FHIT: variants seen among roughly 807,000 people sequenced by gnomAD.
FHIT encodes bis(5'-adenosyl)-triphosphatase.
Under a neutral mutation model 17.9 loss-of-function variants are expected in FHIT, and 19 were observed. The observed-to-expected ratio is 1.06, with a 90% CI of 0.74 to 1.56. FHIT has a LOEUF of 1.56. Among genes scored for constraint, FHIT ranks in the 40% most tolerant of loss-of-function variants. The pLI is 0.00. For synonymous variants in FHIT, 81 were observed against 69.7 expected (o/e 1.16, Z -0.81); for missense variants, 248 against 189.2 (o/e 1.31, Z -1.82).
chr3:61,143,818 A>G (rs1240887397), intron 2 of FHIT, among the ~76,000 whole-genome samples: 1 of 152,156 alleles, frequency 6.6e-6, no homozygotes, highest in Non-Finnish European at 1.5e-5. Flanking sequence ...GTGTGCTGAG[A>G]TTGTGCCACT....
intron 4 of FHIT, among the ~76,000 whole-genome samples, chr3:60,703,504 G>A (rs1181553767): frequency 1.3e-5 from 2 of 152,138 alleles, no homozygotes; most frequent in East Asian, 1.9e-4. Context: ...TTTTTGAAAT[G>A]AAGCCTATTT....
At chr3:60,496,790 A>C (rs140356755) in intron 5 of FHIT, among the ~76,000 whole-genome samples, 212 of 152,314 alleles carry the variant, frequency 1.4e-3, no homozygotes, top group Non-Finnish European at 2.4e-3. Flanking sequence ...ACAATACAGG[A>C]GGTAAAAATG....
At chr3:61,228,712 T>C (rs533045718) in intron 1 of FHIT, among the ~76,000 whole-genome samples, 2 of 152,294 alleles carry the variant, frequency 1.3e-5, no homozygotes, top group East Asian at 1.9e-4. Flanking sequence ...AGGAGGAATA[T>C]TGGCCAAACT....
chr3:59,900,680 C>T (rs1704286178), intron 8 of FHIT, among the ~76,000 whole-genome samples: 1 of 152,158 alleles, frequency 6.6e-6, no homozygotes, highest in Non-Finnish European at 1.5e-5. Context: ...GTGGTGCGAT[C>T]TCAGCTCACT....
chr3:60,975,055 C>T (rs144411777), intron 3 of FHIT, among the ~76,000 whole-genome samples: 321 of 152,224 alleles, frequency 2.1e-3, no homozygotes, highest in African/African-American at 7.1e-3. Context: ...GTAATATTCC[C>T]AGGAGAAAGG....
chr3:60,865,598 C>G (rs1486194563), intron 3 of FHIT, among the ~76,000 whole-genome samples: 1 of 152,082 alleles, frequency 6.6e-6, no homozygotes, highest in Non-Finnish European at 1.5e-5. Flanking sequence ...GAGTCTATAT[C>G]AAGAGACTCT....
At chr3:59,810,130 A>T (rs1440634933) in intron 8 of FHIT, among the ~76,000 whole-genome samples, 1 of 151,930 alleles carries the variant, frequency 6.6e-6, no homozygotes, top group African/African-American at 2.4e-5. Flanking sequence ...GGGCCTGAGG[A>T]GGGTCTTCTG....
At chr3:60,551,143 G>A (rs2036532559) in intron 4 of FHIT, among the ~76,000 whole-genome samples, 1 of 151,932 alleles carries the variant, frequency 6.6e-6, no homozygotes, top group South Asian at 2.1e-4. Context: ...AAGAGTGTGG[G>A]GTGGAGCCTA....
At position 60,197,022 on chromosome 3, in the gene FHIT, C is replaced by T. The variant is rs149516371; in HGVS notation, c.104-182870G>A. Among the ~76,000 whole-genome samples, 287 of 152,234 alleles carry T rather than the reference C, an allele frequency of 1.9e-3. 1 individual carries two copies. Among genetic ancestry groups the T allele is most frequent in the Middle Eastern group, 6.8e-3 (2 of 294 alleles). ...CCCCAAATAGATAGATACATATATA[C>T]GTAGACAGATAAAAGAACTGCTTTT... On this transcript the variant is annotated intron_variant, in intron 5 of 9. Transcript: ENST00000492590.
intron 1 of FHIT, among the ~76,000 whole-genome samples, chr3:61,208,858 T>A (rs897636626): frequency 6.6e-6 from 1 of 152,016 alleles, no homozygotes; most frequent in African/African-American, 2.4e-5. Flanking sequence ...ATCCTGTCAT[T>A]ATGATGTTAG....
chr3:61,097,232 A>G (rs2106834449), intron 2 of FHIT, among the ~76,000 whole-genome samples: 1 of 152,198 alleles, frequency 6.6e-6, no homozygotes, highest in African/African-American at 2.4e-5. Flanking sequence ...GGCATGTCAG[A>G]CAGTGGGTGC....
rs568901421 is a variant in FHIT at position 61,142,252 on chromosome 3, C to A, written c.-164+58365G>T. On this transcript the variant is annotated intron_variant, in intron 2 of 9. Transcript: ENST00000492590. ...ATCAGGTTGCTCTCTCCTCTGATTC[C>A]CTTTTCTCCCAGGGACTAAAACTTT... Among the ~76,000 whole-genome samples the A allele has an allele frequency of 2.6e-5, 4 of 151,462 alleles. No individual in the cohort carries two copies. In the South Asian group the frequency reaches 8.4e-4, roughly 32 times the overall value.
At chr3:60,097,230 T>A (rs1703990255) in intron 5 of FHIT, among the ~76,000 whole-genome samples, 1 of 151,982 alleles carries the variant, frequency 6.6e-6, no homozygotes, top group South Asian at 2.1e-4. Flanking sequence ...TCTTATGGTC[T>A]GGGAAATCTA....
chr3:60,364,092 T>C (rs1700013979), intron 5 of FHIT, among the ~76,000 whole-genome samples: 1 of 152,238 alleles, frequency 6.6e-6, no homozygotes. Flanking sequence ...AGTCCCATTG[T>C]AAATATACTC....
chr3:61,105,520 G>A (rs1235424675), intron 2 of FHIT, among the ~76,000 whole-genome samples: 1 of 151,826 alleles, frequency 6.6e-6, no homozygotes, highest in Non-Finnish European at 1.5e-5. Flanking sequence ...TTTGATATGT[G>A]AATATAAGTA....
chr3:60,259,595 A>G (rs1706190963), intron 5 of FHIT, among the ~76,000 whole-genome samples: 1 of 152,136 alleles, frequency 6.6e-6, no homozygotes. Context: ...ATTTACATTC[A>G]TCACCTTGCT....
At chr3:59,789,857 C>A (rs1174894264) in intron 8 of FHIT, among the ~76,000 whole-genome samples, 3 of 152,116 alleles carry the variant, frequency 2.0e-5, no homozygotes, top group Non-Finnish European at 4.4e-5. Flanking sequence ...GGAAAGTGAA[C>A]CCATTAAAAA....
chr3:60,959,220 C>G (rs782057193), intron 3 of FHIT, among the ~76,000 whole-genome samples: 3 of 152,170 alleles, frequency 2.0e-5, no homozygotes, highest in Non-Finnish European at 2.9e-5. Flanking sequence ...CTGTCAGCGG[C>G]TGTGATTTCA....
chr3:60,861,229 G>T (rs368692601), intron 3 of FHIT, among the ~76,000 whole-genome samples: 8 of 11,256 alleles, frequency 7.1e-4, no homozygotes, highest in African/African-American at 2.7e-3. Context: ...TGATATATAT[G>T]ATATATCATA....
Sources: allele counts gnomAD v4.1 joint callset (sites outside exome capture counted in the v4.1 genomes callset), GRCh38; gene constraint gnomAD v4.1.1; transcripts MANE v1.5; gene names NCBI Gene and HGNC (gene_info 2026-07-23, HGNC 2026-07-21).